RGS9: variants seen among roughly 807,000 people sequenced by gnomAD.
The protein encoded by RGS9 is regulator of G-protein signalling 9.
In RGS9, 78 loss-of-function variants were observed where a neutral mutation model predicts 102.0. That is an observed-to-expected ratio of 0.76 (90% CI 0.64 to 0.92). The LOEUF is 0.92. Among genes scored for constraint, RGS9 ranks in the 40% least tolerant of loss-of-function variants. RGS9 has a pLI of 0.00. For synonymous variants in RGS9, 353 were observed against 318.6 expected (o/e 1.11, Z -1.15); for missense variants, 833 against 866.1 (o/e 0.96, Z 0.48).
At chr17:65,187,302 A>G (rs1232462702) in intron 9 of RGS9, among the ~76,000 whole-genome samples, 1 of 152,198 alleles carries the variant, frequency 6.6e-6, no homozygotes, top group Non-Finnish European at 1.5e-5. Flanking sequence ...TTAAACAAAG[A>G]GTCACACAAA....
At chr17:65,227,167 G>A (rs1905725064) in intron 18 of RGS9, 108 bp from the exon 19 acceptor site, 1 of 1,509,940 alleles carries the variant, frequency 6.6e-7, no homozygotes, top group Non-Finnish European at 9.2e-7. Context: ...ACAGTCTTTG[G>A]CAAATGCACC....
intron 13 of RGS9, among the ~76,000 whole-genome samples, chr17:65,200,180 C>T (rs148828153): frequency 0.01 from 1,587 of 152,154 alleles, 17 homozygotes; most frequent in Non-Finnish European, 0.016. Flanking sequence ...TAGAGGCGCC[C>T]GCCACCACGG....
rs1449656314 is a variant in RGS9 at position 65,215,249 on chromosome 17, G to T, written c.1407+4644G>T. On this transcript the variant is annotated intron_variant, in intron 17 of 18. Transcript: ENST00000262406. ...AGAGATGCTGGAGGCAGGTGGATAG[G>T]ACCCGATTGAAATGGGGTGATGTGG... Among the ~76,000 whole-genome samples the T allele has an allele frequency of 5.3e-5, 8 of 152,144 alleles. No individual in the cohort carries two copies. The South Asian group carries it at 1.7e-3, about 31-fold the overall frequency.
At chr17:65,185,919 C>T (rs1161740536) in intron 9 of RGS9, among the ~76,000 whole-genome samples, 1 of 152,198 alleles carries the variant, frequency 6.6e-6, no homozygotes, top group Non-Finnish European at 1.5e-5. Flanking sequence ...GAACACCAGG[C>T]AGCCAGGATG....
intron 2 of RGS9, among the ~76,000 whole-genome samples, chr17:65,154,680 G>T (rs879930810): frequency 6.6e-6 from 1 of 152,168 alleles, no homozygotes; most frequent in Non-Finnish European, 1.5e-5. Context: ...ATCATTTGGG[G>T]ATATTGGCAA....
intron 9 of RGS9, among the ~76,000 whole-genome samples, chr17:65,181,669 G>A (rs1370771751): frequency 1.3e-5 from 2 of 152,248 alleles, no homozygotes; most frequent in Admixed American, 6.5e-5. Flanking sequence ...CCATCATTTA[G>A]GGATGAGGGC....
chr17:65,152,588 G>C (rs1333384025), intron 1 of RGS9, among the ~76,000 whole-genome samples: 3 of 152,160 alleles, frequency 2.0e-5, no homozygotes, highest in Non-Finnish European at 4.4e-5. Flanking sequence ...TGAGTGCAGT[G>C]GTGCGATCAT....
rs540096682 is a variant in RGS9 at position 65,193,743 on chromosome 17, C to T, written c.860+87C>T. 2.3e-4 allele frequency: 177 copies of T among 783,644 alleles called. 1 individual carries two copies. The Admixed American group carries it at 3.3e-3, about 15-fold the overall frequency. The allele number at this position is 783,644 out of a possible 1,614,324, so 48.5% of individuals were successfully genotyped here. The stretch of plus-strand genomic sequence containing the variant: ...ATAAAATTCACCCCTTCAAAGCATA[C>T]AGTTCAATGGTTTTTATTATATTCA... On this transcript the variant is annotated intron_variant, in intron 12 of 18. Transcript: ENST00000262406.
intron 1 of RGS9, among the ~76,000 whole-genome samples, chr17:65,140,010 G>A (rs1179227372): frequency 6.6e-6 from 1 of 152,230 alleles, no homozygotes; most frequent in Non-Finnish European, 1.5e-5. Flanking sequence ...ATGTGATGAA[G>A]TACACGGTGT....
rs936372856 is a variant in RGS9 at position 65,210,429 on chromosome 17, G to T, written c.1290-59G>T. Reference sequence around the variant, plus strand: ...CCCAGCTCCCATCAAGTGTGACAGGGTCAGTGTTGGGCAAGCTGTGTCATT... The same window carrying T: ...CCCAGCTCCCATCAAGTGTGACAGGTTCAGTGTTGGGCAAGCTGTGTCATT... On this transcript the variant is annotated intron_variant, in intron 16 of 18. Transcript: ENST00000262406. The T allele has an allele frequency of 3.2e-6, 5 of 1,577,226 alleles. No homozygotes were observed. The Admixed American group carries it at 6.7e-5, about 21-fold the overall frequency.
At chr17:65,187,069 T>A (rs1204283737) in intron 9 of RGS9, among the ~76,000 whole-genome samples, 1 of 152,220 alleles carries the variant, frequency 6.6e-6, no homozygotes, top group African/African-American at 2.4e-5. Flanking sequence ...CAAATAAGTA[T>A]GACTGCCAAT....
Position 65,159,760 on chromosome 17 carries a change from C to T in RGS9, c.206-473C>T, listed in dbSNP as rs151043607. Among the ~76,000 whole-genome samples the T allele has an allele frequency of 1.2e-4, 18 of 152,248 alleles. 1 individual carries two copies. In the East Asian group the frequency reaches 2.9e-3, roughly 25 times the overall value. The stretch of plus-strand genomic sequence containing the variant: ...GGGAAGGAGAGGAAGGGTCTGGACC[C>T]GAGATGCAGGCAGAGGTGAGCTTGG... On this transcript the variant is annotated intron_variant, in intron 3 of 18. Coordinates refer to ENST00000262406, the MANE Select transcript of RGS9 (RefSeq NM_003835.4).
intron 11 of RGS9, among the ~76,000 whole-genome samples, chr17:65,192,581 T>C (rs1278851921): frequency 1.3e-5 from 2 of 150,134 alleles, no homozygotes; most frequent in East Asian, 1.9e-4. Context: ...ATCACTGCAC[T>C]CCAGCCTTAG....
At chr17:65,174,534 T>G in intron 8 of RGS9, among the ~76,000 whole-genome samples, 1 of 152,030 alleles carries the variant, frequency 6.6e-6, no homozygotes, top group Non-Finnish European at 1.5e-5. Flanking sequence ...TGTGAGAGTG[T>G]GTAGATGTGT....
At chr17:65,200,384 A>G (rs1015522470) in intron 13 of RGS9, among the ~76,000 whole-genome samples, 1 of 152,060 alleles carries the variant, frequency 6.6e-6, no homozygotes, top group African/African-American at 2.4e-5. Flanking sequence ...TCTTCACCAT[A>G]TTTTGTTCAT....
intron 14 of RGS9, 117 bp downstream of exon 14, chr17:65,202,197 G>A: frequency 2.8e-6 from 2 of 721,226 alleles, no homozygotes; most frequent in Non-Finnish European, 2.5e-6. Context: ...CTGGGCCCTG[G>A]TCAGCATCAG....
chr17:65,140,021 C>T (rs1040688689), intron 1 of RGS9, among the ~76,000 whole-genome samples: 2 of 152,164 alleles, frequency 1.3e-5, no homozygotes, highest in African/African-American at 4.8e-5. Flanking sequence ...TACACGGTGT[C>T]CATGATGGTG....
At chr17:65,139,487 G>C (rs1321561257) in intron 1 of RGS9, among the ~76,000 whole-genome samples, 1 of 151,936 alleles carries the variant, frequency 6.6e-6, no homozygotes, top group Non-Finnish European at 1.5e-5. Flanking sequence ...CTGCCCTCTG[G>C]GAAACAACAA....
chr17:65,148,411 A>G (rs2143963603), intron 1 of RGS9, among the ~76,000 whole-genome samples: 1 of 152,316 alleles, frequency 6.6e-6, no homozygotes, highest in African/African-American at 2.4e-5. Flanking sequence ...CCTGATTTCA[A>G]TTCTTTTGGG....
Sources: allele counts gnomAD v4.1 joint callset (sites outside exome capture counted in the v4.1 genomes callset), GRCh38; gene constraint gnomAD v4.1.1; transcripts MANE v1.5; gene names NCBI Gene and HGNC (gene_info 2026-07-23, HGNC 2026-07-21).